Variants in RTL4 observed in about 807,000 individuals in gnomAD.
RTL4 encodes retrotransposon Gag-like protein 4.
Under a neutral mutation model 5.3 loss-of-function variants are expected in RTL4, and 4 were observed. The observed-to-expected ratio is 0.75, with a 90% CI of 0.37 to 1.72. The LOEUF is 1.72. Ranked by LOEUF, RTL4 falls within the 40% of genes most tolerant of loss-of-function variation. The pLI is 0.04. For synonymous variants in RTL4, 98 were observed against 87.3 expected (o/e 1.12, Z -0.68); for missense variants, 260 against 227.1 (o/e 1.14, Z -0.93).
the RTL4 span, among the ~76,000 whole-genome samples, chrX:112,098,603 A>G: frequency 9.0e-6 from 1 of 111,321 alleles, no homozygotes; most frequent in East Asian, 2.8e-4. Context: ...CTATTTCTCC[A>G]CATGCTTTCC....
At chrX:112,131,485 G>A in the RTL4 span, among the ~76,000 whole-genome samples, 1 of 111,820 alleles carries the variant, frequency 8.9e-6, no homozygotes, top group South Asian at 3.7e-4. Context: ...AGCCATATAA[G>A]GGGACAGCAT....
the RTL4 span, among the ~76,000 whole-genome samples, chrX:112,396,634 T>G: frequency 9.0e-6 from 1 of 111,518 alleles, no homozygotes. Context: ...ATTATTAATA[T>G]CTTATGTTAG....
At chrX:112,162,666 A>G in the RTL4 span, among the ~76,000 whole-genome samples, 1 of 112,096 alleles carries the variant, frequency 8.9e-6, no homozygotes, top group Non-Finnish European at 1.9e-5. Flanking sequence ...ATCAGCTACT[A>G]GGAAACCTTT....
chrX:112,200,493 T>A, the RTL4 span, among the ~76,000 whole-genome samples: 1 of 112,093 alleles, frequency 8.9e-6, no homozygotes, highest in Non-Finnish European at 1.9e-5. Flanking sequence ...AGAGAATAAA[T>A]GGCTTGAAGT....
chrX:112,089,751 A>C, the RTL4 span, among the ~76,000 whole-genome samples: 1 of 111,600 alleles, frequency 9.0e-6, no homozygotes, highest in African/African-American at 3.2e-5. Context: ...CTTAAATCCA[A>C]ATGCAGATCA....
chrX:112,354,469 A>T, the RTL4 span, among the ~76,000 whole-genome samples: 1 of 111,682 alleles, frequency 9.0e-6, no homozygotes, highest in Non-Finnish European at 1.9e-5. Context: ...TAGAAATATG[A>T]TCCCATAAAA....
the RTL4 span, among the ~76,000 whole-genome samples, chrX:112,133,737 T>C: frequency 2.7e-5 from 3 of 112,433 alleles, no homozygotes; most frequent in South Asian, 1.1e-3. Context: ...ACATAGTTCT[T>C]ATCACATAAG....
At chrX:112,225,121 G>A in the RTL4 span, among the ~76,000 whole-genome samples, 1 of 111,843 alleles carries the variant, frequency 8.9e-6, no homozygotes. Flanking sequence ...TAAGTGGTAG[G>A]ACAGAAATCG....
At chrX:112,143,977 C>G in the RTL4 span, among the ~76,000 whole-genome samples, 1 of 112,085 alleles carries the variant, frequency 8.9e-6, no homozygotes, top group African/African-American at 3.3e-5. Context: ...ATAATTAAAT[C>G]AAGATAATTA....
chrX:112,291,345 AATAT>A, the RTL4 span, among the ~76,000 whole-genome samples: 1 of 104,252 alleles, frequency 9.6e-6, no homozygotes, highest in Non-Finnish European at 2.0e-5. Flanking sequence ...CAAATTCATG[AATAT>A]AGATATATGT....
the RTL4 span, among the ~76,000 whole-genome samples, chrX:112,194,568 G>A: frequency 1.8e-5 from 2 of 111,825 alleles, no homozygotes; most frequent in African/African-American, 3.2e-5. Flanking sequence ...CAAGTCTGTG[G>A]CATTTTGTTA....
the RTL4 span, among the ~76,000 whole-genome samples, chrX:112,118,017 T>C: frequency 8.9e-6 from 1 of 111,787 alleles, no homozygotes; most frequent in South Asian, 3.8e-4. Context: ...AAAATAATAA[T>C]GTAGGGCTTA....
chrX:112,431,380 G>A, the RTL4 span, among the ~76,000 whole-genome samples: 1 of 112,145 alleles, frequency 8.9e-6, no homozygotes, highest in African/African-American at 3.2e-5. Flanking sequence ...AGTATTCACT[G>A]TGAGGACCTA....
chrX:112,145,855 G>T, the RTL4 span, among the ~76,000 whole-genome samples: 12 of 111,114 alleles, frequency 1.1e-4, no homozygotes, highest in African/African-American at 3.9e-4. Context: ...TAAATTCAAG[G>T]GACACACCCT....
At chrX:112,128,168 T>A in the RTL4 span, among the ~76,000 whole-genome samples, 1 of 111,367 alleles carries the variant, frequency 9.0e-6, no homozygotes, top group East Asian at 2.8e-4. Context: ...TTTAAAATCT[T>A]ATTAAAAAGC....
chrX:112,132,603 C>G, the RTL4 span, among the ~76,000 whole-genome samples: 9 of 112,037 alleles, frequency 8.0e-5, no homozygotes, highest in African/African-American at 2.9e-4. Flanking sequence ...TGAGATGAGT[C>G]TTAGAGTCTG....
chrX:112,343,724 C>G, the RTL4 span, among the ~76,000 whole-genome samples: 13 of 112,022 alleles, frequency 1.2e-4, no homozygotes, highest in Non-Finnish European at 2.4e-4. Context: ...GGAAAACAAC[C>G]TGGTCACCAC....
chrX:112,423,112 G>GT, the RTL4 span, among the ~76,000 whole-genome samples: 44 of 82,563 alleles, frequency 5.3e-4, no homozygotes, highest in African/African-American at 8.1e-4. Flanking sequence ...CATTGTGTGT[G>GT]GGGGGGGGAT....
the RTL4 span, among the ~76,000 whole-genome samples, chrX:112,152,158 G>A: frequency 1.8e-5 from 2 of 111,572 alleles, no homozygotes; most frequent in African/African-American, 6.5e-5. Flanking sequence ...AACAGCCATA[G>A]TTACCCCTAA....
Sources: gnomAD v4.1 joint callset for allele counts (sites outside exome capture counted in the v4.1 genomes callset) on GRCh38, gnomAD v4.1.1 for gene constraint, MANE v1.5 for transcripts, NCBI Gene and HGNC (gene_info 2026-07-23, HGNC 2026-07-21) for gene names.